Variants in BEAN1 observed in about 807,000 individuals in gnomAD.
BEAN1 encodes brain expressed associated with NEDD4 1, also known as protein BEAN1.
BEAN1 carries 17 observed loss-of-function variants against 17.7 expected under a neutral mutation model. The ratio of observed to expected loss-of-function variants is 0.96; its 90% CI spans 0.66 to 1.44. The LOEUF is 1.44. BEAN1 is among the 40% of genes most tolerant of loss of function. BEAN1 has a pLI of 0.00. For missense variants in BEAN1, 359 were observed against 374.1 expected (o/e 0.96, Z 0.33); for synonymous variants, 142 against 151.8 (o/e 0.94, Z 0.47).
rs34246549 is a variant in BEAN1, at chr16:66,461,569, G to GACACACACACACAC, written c.26-8001_26-7988dup. On this transcript the variant is annotated intron_variant, in intron 2 of 4. Coordinates refer to ENST00000536005, the MANE Select transcript of BEAN1 (RefSeq NM_001178020.3). ...GTGCTGTGCAGGGCAGGCAGGCGCA[G>GACACACACACACAC]ACACACACACACACACACACACACA... Among the ~76,000 whole-genome samples, 160 of 140,932 alleles carry GACACACACACACAC rather than the reference G, an allele frequency of 1.1e-3. 3 individuals are homozygous for GACACACACACACAC. The highest frequency in any genetic ancestry group is 5.1e-3 in the East Asian group (24 of 4,682). 92.5% of individuals were successfully genotyped at this position (140,932 alleles called of 152,430 possible). A position where few individuals can be genotyped will look rare whatever the true frequency, so the allele number is the denominator to read the frequency against.
intron 1 of BEAN1, chr16:66,428,253 T>A (rs904272140): frequency 1.3e-5 from 2 of 152,368 alleles, no homozygotes; most frequent in African/African-American, 4.8e-5. Context: ...TGGAGAGCGG[T>A]GAGGACCAGG....
intron 1 of BEAN1, among the ~76,000 whole-genome samples, chr16:66,428,784 C>A (rs1271658585): frequency 6.6e-6 from 1 of 152,204 alleles, no homozygotes; most frequent in African/African-American, 2.4e-5. Flanking sequence ...GCCTCTGAAT[C>A]TGAAGTGGTG....
exon 5 of BEAN1, chr16:66,493,113 T>C (rs1403598869): frequency 1.4e-6 from 1 of 702,804 alleles, no homozygotes; most frequent in Non-Finnish European, 2.6e-6. Flanking sequence ...AAGCAGATGG[T>C]GTTCAAGATC....
intron 3 of BEAN1, among the ~76,000 whole-genome samples, chr16:66,474,084 T>C (rs1267988295): frequency 6.6e-6 from 1 of 152,154 alleles, no homozygotes; most frequent in Non-Finnish European, 1.5e-5. Flanking sequence ...AGGCTCCAGG[T>C]GTCCACAGAG....
intron 4 of BEAN1, 71 bp from the exon 5 acceptor site, chr16:66,480,515 C>T (rs971910148): frequency 5.7e-5 from 72 of 1,253,658 alleles, no homozygotes; most frequent in Middle Eastern, 1.9e-4. Context: ...TGCAGATAGA[C>T]CCCCAGGCCT....
chr16:66,432,762 AC>A (rs1961853675), intron 1 of BEAN1, among the ~76,000 whole-genome samples: 1 of 151,946 alleles, frequency 6.6e-6, no homozygotes, highest in Non-Finnish European at 1.5e-5. Context: ...CCTAAAACCC[AC>A]CAAGGGTGTT....
At position 66,468,478 on chromosome 16, in the gene BEAN1, C is replaced by T. The variant is rs149513973; in HGVS notation, c.26-1124C>T. Among the ~76,000 whole-genome samples the T allele has an allele frequency of 7.5e-3, 1,146 of 152,314 alleles. 15 individuals are homozygous for T. The highest frequency in any genetic ancestry group is 0.026 in the African/African-American group (1,065 of 41,552). The stretch of plus-strand genomic sequence containing the variant: ...TGGCTCCCTACTGCTGTTCAGAGAT[C>T]CGGCTGGCAGCCTCAGGAAGGGTTT... On this transcript the variant is annotated intron_variant, in intron 2 of 4. Transcript: ENST00000536005.
At chr16:66,474,585 G>GGAGA (rs1963631600) in intron 3 of BEAN1, among the ~76,000 whole-genome samples, 2 of 22,704 alleles carry the variant, frequency 8.8e-5, no homozygotes, top group African/African-American at 4.0e-4. Context: ...AGGGAGAGAG[G>GGAGA]GAGGGAGGGA....
Position 66,482,739 on chromosome 16 carries a change from C to A in BEAN1, c.*1814C>A. 1 of 390,200 alleles carries A rather than the reference C, an allele frequency of 2.6e-6. No homozygotes were observed. The highest frequency in any genetic ancestry group is 2.0e-5 in the South Asian group (1 of 51,034). The allele number at this position is 390,200 out of a possible 1,614,324, so 24.2% of individuals were successfully genotyped here. On this transcript the variant is annotated 3_prime_UTR_variant, in exon 5 of 5. Coordinates refer to ENST00000536005, the MANE Select transcript of BEAN1 (RefSeq NM_001178020.3). ...ATGGAGCTGAATAGCTTTTCTTGTT[C>A]CTGGACTAGGCAATGAATAAGCAAC...
chr16:66,463,874 GAA>G (rs1963173051), intron 2 of BEAN1, among the ~76,000 whole-genome samples: 1 of 152,100 alleles, frequency 6.6e-6, no homozygotes, highest in African/African-American at 2.4e-5. Flanking sequence ...ACCATTTGTT[GAA>G]AAGACTATTC....
chr16:66,432,635 A>G (rs6499084), intron 1 of BEAN1, among the ~76,000 whole-genome samples: 104,842 of 152,164 alleles, frequency 0.69, 36,713 homozygotes, highest in African/African-American at 0.81. Context: ...TGTCTGAGCT[A>G]TCAAGACCTG....
intron 2 of BEAN1, among the ~76,000 whole-genome samples, chr16:66,468,704 G>C (rs1260242322): frequency 6.6e-6 from 1 of 152,158 alleles, no homozygotes; most frequent in African/African-American, 2.4e-5. Context: ...AGGGAATTCA[G>C]TGACACTCCA....
At chr16:66,486,369 C>T (rs1010205745), downstream of BEAN1, among the ~76,000 whole-genome samples, 7 of 152,110 alleles carry the variant, frequency 4.6e-5, no homozygotes, top group African/African-American at 1.7e-4. Context: ...GCTGGGATTA[C>T]GGGCATTCTG....
intron 2 of BEAN1, among the ~76,000 whole-genome samples, chr16:66,466,103 C>T (rs1194576553): frequency 1.3e-5 from 2 of 152,134 alleles, no homozygotes; most frequent in South Asian, 2.1e-4. Flanking sequence ...TGTGAGCCAC[C>T]GCAGCCGGCC....
chr16:66,471,882 C>T lies in BEAN1; in HGVS notation c.289+2017C>T, dbSNP rs1333230151. Among the ~76,000 whole-genome samples, 2 of 152,208 alleles carry T rather than the reference C, an allele frequency of 1.3e-5. No individual in the cohort carries two copies. Among genetic ancestry groups the T allele is most frequent in the Non-Finnish European group, 2.9e-5 (2 of 68,034 alleles). ...ACCTGAGGCTGCAGAGTCCAGGGCTCCTGCCCAGAGCATGCCCATCCCCTG... is the reference window on the plus strand; with the variant it reads ...ACCTGAGGCTGCAGAGTCCAGGGCTTCTGCCCAGAGCATGCCCATCCCCTG... On this transcript the variant is annotated intron_variant, in intron 3 of 4. Coordinates refer to ENST00000536005, the MANE Select transcript of BEAN1 (RefSeq NM_001178020.3). This position sits in a 1 kb window ranked among gnomAD's most constrained non-coding sequence, Gnocchi z 4.7.
At chr16:66,470,689 A>T (rs1203441279) in intron 3 of BEAN1, among the ~76,000 whole-genome samples, 1 of 152,214 alleles carries the variant, frequency 6.6e-6, no homozygotes, top group Non-Finnish European at 1.5e-5. Context: ...TTGGTGGCTA[A>T]TTCTTGGGTG....
intron 1 of BEAN1, among the ~76,000 whole-genome samples, chr16:66,430,079 C>G (rs1186092974): frequency 6.6e-6 from 1 of 152,186 alleles, no homozygotes; most frequent in Non-Finnish European, 1.5e-5. Context: ...TTTTTTGGAG[C>G]TGGACCGCCT....
chr16:66,456,076 G>A (rs1020015566), intron 2 of BEAN1, among the ~76,000 whole-genome samples: 1 of 152,194 alleles, frequency 6.6e-6, no homozygotes, highest in Non-Finnish European at 1.5e-5. Context: ...TCTTGGGAAG[G>A]AGGCTCAGTC....
At chr16:66,449,477 C>T (rs971259095) in intron 2 of BEAN1, among the ~76,000 whole-genome samples, 3 of 151,426 alleles carry the variant, frequency 2.0e-5, no homozygotes. Context: ...CATGGTGGTG[C>T]ATGCCTGTAA....
Sources: gnomAD v4.1 joint callset for allele counts (sites outside exome capture counted in the v4.1 genomes callset) on GRCh38, gnomAD v4.1.1 for gene constraint, Gnocchi (gnomAD v3.1) non-coding constraint, MANE v1.5 for transcripts, NCBI Gene and HGNC (gene_info 2026-07-23, HGNC 2026-07-21) for gene names.